Variants in CCSER1 observed in about 807,000 individuals in gnomAD.
CCSER1 encodes the protein coiled-coil serine rich protein 1.
CCSER1 carries 41 observed loss-of-function variants against 82.0 expected under a neutral mutation model. That is an observed-to-expected ratio of 0.50 (90% confidence interval 0.39 to 0.65). CCSER1 has a LOEUF of 0.65. Among genes scored for constraint, CCSER1 ranks in the 30% least tolerant of loss-of-function variants. The pLI is 0.00. For missense variants in CCSER1, 1,119 were observed against 1,064.2 expected, an observed-to-expected ratio of 1.05 and a Z score of -0.72; for synonymous variants, 414 against 383.9, an observed-to-expected ratio of 1.08 and a Z score of -0.92.
At chr4:91,085,619 A>G (rs1723303441) in intron 9 of CCSER1, among the ~76,000 whole-genome samples, 1 of 152,172 alleles carries the variant, frequency 6.6e-6, no homozygotes, top group Non-Finnish European at 1.5e-5. Context: ...GGAGGTTACC[A>G]TCATAGAATA....
At chr4:91,096,388 T>C (rs1724518839) in intron 10 of CCSER1, among the ~76,000 whole-genome samples, 1 of 152,214 alleles carries the variant, frequency 6.6e-6, no homozygotes, top group Non-Finnish European at 1.5e-5. Context: ...CTTTAGGGGC[T>C]GGCTTCCCTC....
chr4:90,480,045 C>T (rs1483663835), intron 5 of CCSER1, among the ~76,000 whole-genome samples: 1 of 152,132 alleles, frequency 6.6e-6, no homozygotes, highest in Non-Finnish European at 1.5e-5. Context: ...CCTGTTGTTT[C>T]CTGACTTTTT....
At chr4:90,244,941 T>G (rs1375874569) in intron 1 of CCSER1, among the ~76,000 whole-genome samples, 1 of 152,214 alleles carries the variant, frequency 6.6e-6, no homozygotes, top group Non-Finnish European at 1.5e-5. Flanking sequence ...ATTCCAGCTC[T>G]GTCATTAGCT....
chr4:91,385,648 A>C (rs910923802), intron 10 of CCSER1, among the ~76,000 whole-genome samples: 1 of 152,026 alleles, frequency 6.6e-6, no homozygotes, highest in Non-Finnish European at 1.5e-5. Flanking sequence ...AAAAGGAAAA[A>C]AAAAAGCTTA....
chr4:90,777,839 T>A (rs1049536343), intron 7 of CCSER1, among the ~76,000 whole-genome samples: 2 of 152,112 alleles, frequency 1.3e-5, no homozygotes, highest in Non-Finnish European at 2.9e-5. Flanking sequence ...TCTGGGAGAT[T>A]AGGTAAAATG....
intron 10 of CCSER1, among the ~76,000 whole-genome samples, chr4:91,275,420 C>T (rs1742356529): frequency 2.6e-5 from 4 of 151,884 alleles, no homozygotes; most frequent in East Asian, 3.9e-4. Flanking sequence ...CCTGATGATT[C>T]GTGATGTTGA....
At chr4:91,262,695 T>C (rs1244410739) in intron 10 of CCSER1, among the ~76,000 whole-genome samples, 1 of 152,090 alleles carries the variant, frequency 6.6e-6, no homozygotes, top group East Asian at 1.9e-4. Context: ...TCTTTAATTA[T>C]TTTTGATGAG....
intron 10 of CCSER1, among the ~76,000 whole-genome samples, chr4:91,469,047 A>C (rs1007112240): frequency 6.6e-6 from 1 of 152,190 alleles, no homozygotes; most frequent in African/African-American, 2.4e-5. Flanking sequence ...GAAAAGAAAA[A>C]ATAAGTAGTG....
intron 10 of CCSER1, among the ~76,000 whole-genome samples, chr4:91,177,327 G>A (rs1733499669): frequency 6.6e-6 from 1 of 152,178 alleles, no homozygotes; most frequent in Admixed American, 6.5e-5. Context: ...GATGATGCTG[G>A]CCTCATAAAA....
intron 1 of CCSER1, among the ~76,000 whole-genome samples, chr4:90,301,069 A>G (rs1733010267): frequency 6.6e-6 from 1 of 152,052 alleles, no homozygotes; most frequent in Admixed American, 6.6e-5. Context: ...CCTGGGCTCA[A>G]TTTATCCTCC....
intron 8 of CCSER1, among the ~76,000 whole-genome samples, chr4:90,872,618 A>G (rs1766676538): frequency 6.6e-6 from 1 of 151,854 alleles, no homozygotes; most frequent in Non-Finnish European, 1.5e-5. Flanking sequence ...TTCATCTTTT[A>G]GTCTTTCTAC....
chr4:90,205,199 G>A (rs972319966), intron 1 of CCSER1, among the ~76,000 whole-genome samples: 1 of 152,176 alleles, frequency 6.6e-6, no homozygotes, highest in Non-Finnish European at 1.5e-5. Flanking sequence ...TCTCTTGCCT[G>A]ATTGCCCTGG....
At chr4:90,784,195 T>C (rs1042224199) in intron 7 of CCSER1, among the ~76,000 whole-genome samples, 1 of 152,194 alleles carries the variant, frequency 6.6e-6, no homozygotes, top group Non-Finnish European at 1.5e-5. Flanking sequence ...GAAGAAGTGC[T>C]CAACCTTGCC....
At chr4:90,375,260 A>G (rs997755065) in intron 3 of CCSER1, among the ~76,000 whole-genome samples, 2 of 152,234 alleles carry the variant, frequency 1.3e-5, no homozygotes, top group Admixed American at 1.3e-4. Context: ...CACATGAACC[A>G]AAATGGGCGG....
intron 10 of CCSER1, among the ~76,000 whole-genome samples, chr4:91,270,671 G>A (rs1320710026): frequency 6.6e-6 from 1 of 152,110 alleles, no homozygotes; most frequent in East Asian, 1.9e-4. Context: ...GAAGCTCCTG[G>A]GATGCAGAGG....
intron 10 of CCSER1, among the ~76,000 whole-genome samples, chr4:91,149,890 T>A (rs569847337): frequency 6.6e-6 from 1 of 152,284 alleles, no homozygotes. Flanking sequence ...AGCCTTGTAG[T>A]ATAGTTTGAA....
At chr4:90,221,747 A>G (rs1742195530) in intron 1 of CCSER1, among the ~76,000 whole-genome samples, 1 of 152,138 alleles carries the variant, frequency 6.6e-6, no homozygotes, top group Admixed American at 6.5e-5. Flanking sequence ...GAGCTTTGAC[A>G]GCGGAAGTAG....
chr4:90,463,482 G>A (rs1357378733), intron 4 of CCSER1, among the ~76,000 whole-genome samples: 3 of 152,166 alleles, frequency 2.0e-5, no homozygotes, highest in Non-Finnish European at 2.9e-5. Context: ...TACAGTAAGA[G>A]TAAATGCACA....
chr4:90,367,906 A>C (rs1364168884), intron 3 of CCSER1, among the ~76,000 whole-genome samples: 1 of 151,944 alleles, frequency 6.6e-6, no homozygotes, highest in Non-Finnish European at 1.5e-5. Context: ...ACTATTTACT[A>C]ATATAGAAAA....
Sources: allele counts gnomAD v4.1 joint callset (sites outside exome capture counted in the v4.1 genomes callset), GRCh38; gene constraint gnomAD v4.1.1; transcripts MANE v1.5; gene names NCBI Gene and HGNC (gene_info 2026-07-23, HGNC 2026-07-21).